Variants in ADAP1 observed in about 807,000 individuals in gnomAD.
ADAP1 encodes arf-GAP with dual PH domain-containing protein 1.
A neutral mutation model predicts 54.9 loss-of-function variants in ADAP1; 31 were observed. That is an observed-to-expected ratio of 0.56 (90% CI 0.42 to 0.76). The LOEUF (loss-of-function observed/expected upper bound fraction) is 0.76. Ranked by LOEUF, ADAP1 falls within the 30% of genes least tolerant of loss-of-function variation. ADAP1 has a pLI of 0.00. For synonymous variants in ADAP1, 313 were observed against 202.6 expected (o/e 1.55, Z -4.63); for missense variants, 535 against 512.4 (o/e 1.04, Z -0.42).
At chr7:906,660 C>G (rs1379375130) in intron 4 of ADAP1, among the ~76,000 whole-genome samples, 1 of 57,262 alleles carries the variant, frequency 1.7e-5, no homozygotes. Context: ...AGAAAGGGGG[C>G]GGGAAAGGGG....
intron 4 of ADAP1, among the ~76,000 whole-genome samples, chr7:911,855 G>A (rs1257375742): frequency 6.6e-6 from 1 of 152,086 alleles, no homozygotes; most frequent in African/African-American, 2.4e-5. Context: ...CCCAGAGAGG[G>A]GCAATGGGGC....
At chr7:955,205 C>G (rs527559616), upstream of ADAP1, 103 of 1,194,638 alleles carry the variant, frequency 8.6e-5, no homozygotes, top group East Asian at 1.9e-3. Context: ...ACCCTCTGGG[C>G]ACCCCTCCCA....
At position 938,909 on chromosome 7, in the gene ADAP1, C is replaced by T. The variant is rs1051697364; in HGVS notation, c.83-3404G>A. ...GCTGAGCAACGGCCACCAACAGCTCCCGCCCAGCCCAGGGTCCAGAATGCC... is the reference window on the plus strand; with the variant it reads ...GCTGAGCAACGGCCACCAACAGCTCTCGCCCAGCCCAGGGTCCAGAATGCC... On this transcript the variant is annotated intron_variant, in intron 1 of 10. Coordinates refer to ENST00000265846, the MANE Select transcript of ADAP1 (RefSeq NM_006869.4). The surrounding 1 kb of genome is among the most constrained non-coding windows in gnomAD (Gnocchi z 4.4). 6.6e-6 allele frequency among the ~76,000 whole-genome samples: 1 copy of T among 152,190 alleles called. No homozygotes were observed. The highest frequency in any genetic ancestry group is 1.5e-5 in the Non-Finnish European group (1 of 68,032).
At chr7:943,800 AAGGG>A (rs1179201420) in intron 1 of ADAP1, among the ~76,000 whole-genome samples, 3 of 102,516 alleles carry the variant, frequency 2.9e-5, no homozygotes, top group Admixed American at 2.9e-4. Flanking sequence ...GAGGAGGAGG[AAGGG>A]AGAGAGGAGG....
chr7:920,801 C>T lies in ADAP1; in HGVS notation c.306-751G>A. ...TGACTCACTCGAGTGAAGCCAATAC[C>T]ATTGCAGAAACCACGACCCACACAC... On this transcript the variant is annotated intron_variant, in intron 3 of 10. Coordinates refer to ENST00000265846, the MANE Select transcript of ADAP1 (RefSeq NM_006869.4). This position sits in a 1 kb window ranked among gnomAD's most constrained non-coding sequence, Gnocchi z 4.5. The T allele has an allele frequency of 1.3e-6, 2 of 1,550,264 alleles. No individual in the cohort carries two copies. The highest frequency in any genetic ancestry group is 2.4e-5 in the East Asian group (1 of 40,918).
intron 4 of ADAP1, among the ~76,000 whole-genome samples, chr7:916,335 G>A (rs1428621256): frequency 6.6e-6 from 1 of 152,174 alleles, no homozygotes; most frequent in Non-Finnish European, 1.5e-5. Flanking sequence ...GCTGTGCCCT[G>A]TTATTCCAGT....
chr7:904,054 C>T (rs1290881388), intron 6 of ADAP1, 72 bp downstream of exon 6: 1 of 1,591,424 alleles, frequency 6.3e-7, no homozygotes, highest in Non-Finnish European at 8.5e-7. Context: ...AAGCACCCAC[C>T]TTCCTGCGCC....
intron 4 of ADAP1, among the ~76,000 whole-genome samples, chr7:910,709 G>A (rs1395342390): frequency 6.6e-6 from 1 of 152,252 alleles, no homozygotes; most frequent in East Asian, 1.9e-4. Flanking sequence ...CAGCTCACAG[G>A]GTGGTGGACC....
At chr7:903,693 G>T (rs1477352841) in intron 6 of ADAP1, among the ~76,000 whole-genome samples, 1 of 151,972 alleles carries the variant, frequency 6.6e-6, no homozygotes, top group Admixed American at 6.5e-5. Flanking sequence ...GCAGCCAAAG[G>T]AACCCTACCC....
chr7:943,963 T>C (rs191477000), intron 1 of ADAP1, among the ~76,000 whole-genome samples: 2 of 152,142 alleles, frequency 1.3e-5, no homozygotes, highest in East Asian at 1.9e-4. Context: ...TTGCCCAGGC[T>C]TGAGTGCAGT....
intron 2 of ADAP1, chr7:927,351 G>A (rs1846425889): frequency 1.4e-5 from 11 of 808,880 alleles, no homozygotes; most frequent in South Asian, 7.9e-5. Flanking sequence ...TGACCCTGCC[G>A]CCAGCCAGGT....
At position 900,582 on chromosome 7, in the gene ADAP1, G is replaced by A. The variant is rs1212540929; in HGVS notation, c.683C>T (p.Ala228Val). 4 of 1,611,532 alleles carry A rather than the reference G, an allele frequency of 2.5e-6. No individual in the cohort carries two copies. The highest frequency in any genetic ancestry group is 3.4e-6 in the Non-Finnish European group (4 of 1,179,406). Reference sequence around the variant, plus strand: ...TGCCACCTGCAGGTAGTGGAAGCGAGCAGCTCGGAGTGCATTGAACCAGTC... The same window carrying A: ...TGCCACCTGCAGGTAGTGGAAGCGAACAGCTCGGAGTGCATTGAACCAGTC... ...IVDWFNALRA[A>V]RFHYLQVAFP... Residue 228 changes from alanine (A) to valine (V), a missense_variant, in exon 7 of 11, where the codon GCT becomes GTT. Transcript: ENST00000265846.
At chr7:904,069 G>C (rs567979929) in intron 6 of ADAP1, 57 bp downstream of exon 6, 1 of 1,599,094 alleles carries the variant, frequency 6.3e-7, no homozygotes, top group Non-Finnish European at 8.5e-7. Context: ...TGCGCCACCC[G>C]GGCCTGAGGG....
intron 1 of ADAP1, among the ~76,000 whole-genome samples, chr7:941,161 A>G (rs927316949): frequency 2.0e-5 from 3 of 152,252 alleles, no homozygotes; most frequent in African/African-American, 7.2e-5. Flanking sequence ...TAATTTCCCC[A>G]ATTTGATATA....
rs1846395708 is a variant in ADAP1 at position 926,560 on chromosome 7, C to T, written c.298G>A (p.Asp100Asn). Residue 100 changes from aspartate to asparagine, a missense_variant, in exon 3 of 11, where the codon GAC (aspartate) becomes AAC (asparagine). Coordinates refer to ENST00000265846, the MANE Select transcript of ADAP1 (RefSeq NM_006869.4). This position sits in a 1 kb window ranked among gnomAD's most constrained non-coding sequence, Gnocchi z 4.6. ...PSFYYRPTPSDCQLLREQWIR... is the reference protein window; with the variant it reads ...PSFYYRPTPSNCQLLREQWIR... ...AGGCCCCTTTGTACTCACTGGCAGT[C>T]GGAGGGCGTGGGCCGGTAGTAGAAG... 2 of 1,536,786 alleles carry T rather than the reference C, an allele frequency of 1.3e-6. No individual in the cohort carries two copies. The highest frequency in any genetic ancestry group is 1.8e-6 in the Non-Finnish European group (2 of 1,142,334).
chr7:946,586 G>T lies in ADAP1; in HGVS notation c.82+7810C>A, dbSNP rs1053851835. 2.7e-5 allele frequency among the ~76,000 whole-genome samples: 4 copies of T among 149,608 alleles called. No homozygotes were observed. Among genetic ancestry groups the T allele is most frequent in the Admixed American group, 6.6e-5 (1 of 15,038 alleles). ...GCCCTCCCACCCTCTCTCCCTCCTG[G>T]TGCTCCAGCCCCATGGCGGGAACCC... On this transcript the variant is annotated intron_variant, in intron 1 of 10. Transcript: ENST00000265846. This position sits in a 1 kb window ranked among gnomAD's most constrained non-coding sequence, Gnocchi z 4.3.
intron 1 of ADAP1, among the ~76,000 whole-genome samples, chr7:941,195 C>G (rs1453422213): frequency 6.6e-6 from 1 of 152,146 alleles, no homozygotes; most frequent in East Asian, 1.9e-4. Context: ...ACATGTACAG[C>G]AAATGTCATA....
intron 4 of ADAP1, chr7:905,528 AGGGAGAAGGGAGAAG>A (rs1845157963): frequency 2.0e-5 from 1 of 49,196 alleles, no homozygotes; most frequent in Non-Finnish European, 4.3e-5. Flanking sequence ...AGAAGGGAGA[AGGGAGAAGGGAGAAG>A]GGAGAAGGGA....
At chr7:953,458 G>A (rs937576666) in intron 1 of ADAP1, among the ~76,000 whole-genome samples, 1 of 152,220 alleles carries the variant, frequency 6.6e-6, no homozygotes, top group Non-Finnish European at 1.5e-5. Flanking sequence ...CAGGGCCTTG[G>A]AGGCAAATGC....
Sources: gnomAD v4.1 joint callset for allele counts (sites outside exome capture counted in the v4.1 genomes callset) on GRCh38, gnomAD v4.1.1 for gene constraint, Gnocchi (gnomAD v3.1) non-coding constraint, MANE v1.5 for transcripts, NCBI Gene and HGNC (gene_info 2026-07-23, HGNC 2026-07-21) for gene names.